Variants in RARB observed in about 807,000 individuals in gnomAD.
RARB encodes the protein HBV-activated protein.
Under a neutral mutation model 51.9 loss-of-function variants are expected in RARB, and 17 were observed. That is an observed-to-expected ratio of 0.33 (90% confidence interval 0.22 to 0.49). The LOEUF is 0.49. Among genes scored for constraint, RARB ranks in the 20% least tolerant of loss-of-function variants. The pLI, the probability that RARB is intolerant of heterozygous loss-of-function variation, is 0.99. For missense variants in RARB, 369 were observed against 550.8 expected (o/e 0.67, Z 3.30); for synonymous variants, 215 against 195.4 (o/e 1.10, Z -0.84).
chr3:25,255,099 G>A (rs1197313654), intron 5 of RARB, among the ~76,000 whole-genome samples: 1 of 152,150 alleles, frequency 6.6e-6, no homozygotes, highest in Non-Finnish European at 1.5e-5. Context: ...TTTGGATTTG[G>A]CTTTAGGGTA....
rs575821934 is a variant in RARB, at chr3:25,011,579, C to A, written c.-379-48546C>A. Among the ~76,000 whole-genome samples the A allele has an allele frequency of 4.6e-5, 7 of 151,928 alleles. No individual in the cohort carries two copies. The South Asian group carries it at 1.5e-3, about 32-fold the overall frequency. ...CAATGAGGTCAAGTGCACTTACTTT[C>A]TTAGCCTTGGATTGACCAGGAAATC... On this transcript the variant is annotated intron_variant, in intron 2 of 11. Coordinates refer to the RARB transcript ENST00000383772.
intron 5 of RARB, among the ~76,000 whole-genome samples, chr3:25,190,736 T>A (rs766932033): frequency 9.1e-4 from 139 of 152,132 alleles, no homozygotes; most frequent in Non-Finnish European, 1.8e-3. Flanking sequence ...CACTTCTAGA[T>A]TTTTTTCTTT....
At chr3:25,592,816 A>G (rs190245947) in intron 5 of RARB, among the ~76,000 whole-genome samples, 2 of 152,174 alleles carry the variant, frequency 1.3e-5, no homozygotes, top group African/African-American at 4.8e-5. Flanking sequence ...CCTCCTGGCT[A>G]TTTCTGAGCT....
chr3:25,226,709 T>G (rs184266875), intron 5 of RARB, among the ~76,000 whole-genome samples: 81 of 152,326 alleles, frequency 5.3e-4, no homozygotes, highest in Admixed American at 3.1e-3. Context: ...CCCTTCACTT[T>G]TCTGGGAGAT....
chr3:24,899,600 G>T (rs1165658769), intron 2 of RARB, among the ~76,000 whole-genome samples: 1 of 152,130 alleles, frequency 6.6e-6, no homozygotes, highest in Non-Finnish European at 1.5e-5. Flanking sequence ...AACAGCTGTG[G>T]CCAAGGATAA....
intron 3 of RARB, among the ~76,000 whole-genome samples, chr3:25,088,343 C>G (rs1454798680): frequency 6.6e-6 from 1 of 152,106 alleles, no homozygotes; most frequent in Admixed American, 6.6e-5. Context: ...TGTTGTCTGT[C>G]AAGAGTTTTA....
chr3:25,441,902 A>G lies in RARB; in HGVS notation c.157+13014A>G, dbSNP rs77557325. On this transcript the variant is annotated intron_variant, in intron 1 of 7. Coordinates refer to ENST00000330688, the MANE Select transcript of RARB (RefSeq NM_000965.5). Reference sequence around the variant, plus strand: ...CTTGGTCTATGATCCTCAGTAAACTATGGTTGAACCCACATGTATGTTCTA... The same window carrying G: ...CTTGGTCTATGATCCTCAGTAAACTGTGGTTGAACCCACATGTATGTTCTA... Among the ~76,000 whole-genome samples the G allele has an allele frequency of 2.4e-3, 358 of 152,256 alleles. 2 individuals carry two copies. The highest frequency in any genetic ancestry group is 8.4e-3 in the African/African-American group (348 of 41,566).
At chr3:24,921,539 G>T (rs879887473) in intron 2 of RARB, among the ~76,000 whole-genome samples, 1 of 152,160 alleles carries the variant, frequency 6.6e-6, no homozygotes, top group Non-Finnish European at 1.5e-5. Context: ...CATGTGCCCT[G>T]TGTTTACCAG....
chr3:25,003,732 G>C (rs1372328293), intron 2 of RARB, among the ~76,000 whole-genome samples: 1 of 152,094 alleles, frequency 6.6e-6, no homozygotes, highest in Non-Finnish European at 1.5e-5. Context: ...AAGTTACATG[G>C]AATAAGGTAG....
At chr3:24,972,085 G>A (rs1377009523) in intron 2 of RARB, among the ~76,000 whole-genome samples, 6 of 151,686 alleles carry the variant, frequency 4.0e-5, no homozygotes, top group Non-Finnish European at 8.8e-5. Context: ...TTGAACACCA[G>A]GTGTCCTTTC....
chr3:25,077,778 A>G (rs1388342977), intron 3 of RARB, among the ~76,000 whole-genome samples: 2 of 152,040 alleles, frequency 1.3e-5, no homozygotes, highest in African/African-American at 4.8e-5. Context: ...CTTTTTACGG[A>G]GTGGTTTTAC....
chr3:24,864,158 G>T (rs1437176165), intron 2 of RARB, among the ~76,000 whole-genome samples: 1 of 152,156 alleles, frequency 6.6e-6, no homozygotes, highest in Non-Finnish European at 1.5e-5. Flanking sequence ...CTGTGAGCAT[G>T]CACACAGTCA....
chr3:24,839,674 A>G (rs1702393227), intron 1 of RARB, among the ~76,000 whole-genome samples: 1 of 122,518 alleles, frequency 8.2e-6, no homozygotes, highest in South Asian at 2.9e-4. Context: ...ACTGCACTCC[A>G]GCCTAGGCTA....
chr3:25,363,483 C>A (rs1316749831), intron 5 of RARB, among the ~76,000 whole-genome samples: 1 of 152,156 alleles, frequency 6.6e-6, no homozygotes, highest in Non-Finnish European at 1.5e-5. Context: ...CTTCATCTTT[C>A]CAGTTGCTTA....
chr3:25,170,147 T>C (rs939882230), intron 4 of RARB, among the ~76,000 whole-genome samples: 3 of 152,100 alleles, frequency 2.0e-5, no homozygotes, highest in Non-Finnish European at 4.4e-5. Flanking sequence ...CATCAGGCTG[T>C]CTGTCTTTAC....
chr3:25,496,850 AG>A (rs1697058456), intron 2 of RARB, among the ~76,000 whole-genome samples: 2 of 152,076 alleles, frequency 1.3e-5, no homozygotes, highest in African/African-American at 4.8e-5. Context: ...GCAGTTCCAG[AG>A]TTGGTAGCAG....
intron 2 of RARB, among the ~76,000 whole-genome samples, chr3:24,952,331 G>A (rs962170895): frequency 3.3e-5 from 5 of 151,952 alleles, no homozygotes; most frequent in Admixed American, 6.6e-5. Context: ...TTAATTGAAG[G>A]AATTTACCCC....
chr3:24,959,518 C>T (rs1046932129), intron 2 of RARB, among the ~76,000 whole-genome samples: 8 of 152,150 alleles, frequency 5.3e-5, no homozygotes, highest in African/African-American at 9.6e-5. Context: ...TGGAGTGGGG[C>T]GGGGTAGGCC....
At chr3:24,924,296 G>A (rs943359525) in intron 2 of RARB, among the ~76,000 whole-genome samples, 3 of 152,148 alleles carry the variant, frequency 2.0e-5, no homozygotes, top group Non-Finnish European at 4.4e-5. Context: ...CTTTAGCTCA[G>A]CTGAAGAATT....
Sources: allele counts gnomAD v4.1 joint callset (sites outside exome capture counted in the v4.1 genomes callset), GRCh38; gene constraint gnomAD v4.1.1; transcripts MANE v1.5; gene names NCBI Gene and HGNC (gene_info 2026-07-23, HGNC 2026-07-21).